DCDC2C: variants seen among roughly 807,000 people sequenced by gnomAD.
DCDC2C encodes doublecortin domain containing 2C.
In DCDC2C, 44 loss-of-function variants were observed where a neutral mutation model predicts 45.0. The ratio of observed to expected loss-of-function variants is 0.98; its 90% CI spans 0.77 to 1.26. The LOEUF (loss-of-function observed/expected upper bound fraction) is 1.26. DCDC2C is among the 50% of genes most tolerant of loss of function. DCDC2C has a pLI of 0.00. For synonymous variants in DCDC2C, 187 were observed against 178.8 expected (o/e 1.05, Z -0.37); for missense variants, 447 against 468.9 (o/e 0.95, Z 0.43).
chr2:3,799,695 G>A (rs1307121450), intron 10 of DCDC2C, among the ~76,000 whole-genome samples: 5 of 152,390 alleles, frequency 3.3e-5, no homozygotes, highest in Admixed American at 6.5e-5. Context: ...TCAGGGGTCA[G>A]GGACCCACTT....
At chr2:3,846,613 T>C (rs537349045) in intron 10 of DCDC2C, among the ~76,000 whole-genome samples, 25 of 152,334 alleles carry the variant, frequency 1.6e-4, no homozygotes, top group African/African-American at 5.3e-4. Flanking sequence ...GGATACATAA[T>C]TTAAAAAATT....
At chr2:3,788,076 C>G (rs1054790012) in intron 10 of DCDC2C, among the ~76,000 whole-genome samples, 4 of 152,186 alleles carry the variant, frequency 2.6e-5, no homozygotes, top group African/African-American at 9.7e-5. Flanking sequence ...ATGTCATCTG[C>G]TCTGAATATT....
At chr2:3,788,408 A>G (rs1278247117) in intron 10 of DCDC2C, 3 of 152,122 alleles carry the variant, frequency 2.0e-5, no homozygotes, top group African/African-American at 7.2e-5. Flanking sequence ...TGCACCATAG[A>G]TTATAATATG....
intron 10 of DCDC2C, among the ~76,000 whole-genome samples, chr2:3,821,755 G>A (rs953286872): frequency 6.6e-6 from 1 of 152,228 alleles, no homozygotes; most frequent in Non-Finnish European, 1.5e-5. Context: ...TGAATCAGCT[G>A]TTTATCCAAG....
chr2:3,765,314 G>A (rs997136962), intron 6 of DCDC2C, among the ~76,000 whole-genome samples: 2 of 152,194 alleles, frequency 1.3e-5, no homozygotes, highest in Non-Finnish European at 2.9e-5. Flanking sequence ...CTGACTCTTT[G>A]TTTAGCACGG....
intron 10 of DCDC2C, among the ~76,000 whole-genome samples, chr2:3,823,354 C>T (rs192822909): frequency 7.5e-4 from 114 of 152,090 alleles, no homozygotes; most frequent in African/African-American, 2.7e-3. Flanking sequence ...AATTTCAAGC[C>T]TTTTACCTTT....
chr2:3,840,827 C>T (rs141012988), intron 10 of DCDC2C, among the ~76,000 whole-genome samples: 141 of 152,312 alleles, frequency 9.3e-4, no homozygotes, highest in African/African-American at 3.2e-3. Context: ...CTGCGAGTTT[C>T]GCAGTGAAAG....
chr2:3,789,450 G>A (rs993899017), intron 10 of DCDC2C, among the ~76,000 whole-genome samples: 6 of 152,044 alleles, frequency 3.9e-5, no homozygotes, highest in African/African-American at 1.4e-4. Flanking sequence ...CTAATGCCAT[G>A]CCTCTAATTG....
At chr2:3,847,129 T>G (rs1672353828) in intron 10 of DCDC2C, 25 bp from the exon 11 acceptor site, 1 of 1,231,162 alleles carries the variant, frequency 8.1e-7, no homozygotes, top group Non-Finnish European at 1.0e-6. Flanking sequence ...TGTTCTCTGT[T>G]AACCTGCTTT....
At chr2:3,823,693 C>CT (rs1671747468) in intron 10 of DCDC2C, among the ~76,000 whole-genome samples, 1 of 151,668 alleles carries the variant, frequency 6.6e-6, no homozygotes, top group Non-Finnish European at 1.5e-5. Flanking sequence ...AGTTTTTTTT[C>CT]TTTTATATCT....
At chr2:3,827,307 A>AG (rs1472522309) in intron 10 of DCDC2C, among the ~76,000 whole-genome samples, 1 of 144,632 alleles carries the variant, frequency 6.9e-6, no homozygotes, top group East Asian at 2.2e-4. Context: ...GGGAGGCAGC[A>AG]GGGGCAGGGA....
At chr2:3,730,408 A>G (rs357946) in intron 3 of DCDC2C, among the ~76,000 whole-genome samples, 127,769 of 152,186 alleles carry the variant, frequency 0.84, 53,817 homozygotes, top group South Asian at 0.93. Context: ...TGTGTTAGCT[A>G]TTGTGTCGGA....
intron 2 of DCDC2C, among the ~76,000 whole-genome samples, chr2:3,717,825 C>A (rs892432714): frequency 6.6e-6 from 1 of 152,188 alleles, no homozygotes; most frequent in Non-Finnish European, 1.5e-5. Context: ...CCTCTTCATG[C>A]GCCTATCCTC....
At chr2:3,795,794 G>T (rs1350324244) in intron 10 of DCDC2C, among the ~76,000 whole-genome samples, 36 of 134,842 alleles carry the variant, frequency 2.7e-4, no homozygotes, top group African/African-American at 9.1e-4. Flanking sequence ...TTTGAAGTCA[G>T]GTAGCGTGAT....
intron 8 of DCDC2C, among the ~76,000 whole-genome samples, chr2:3,769,705 T>C (rs1670113763): frequency 6.6e-6 from 1 of 152,242 alleles, no homozygotes; most frequent in African/African-American, 2.4e-5. Context: ...ACTAAGCTAC[T>C]GACTCCATAA....
At chr2:3,820,143 G>A (rs1179349799) in intron 10 of DCDC2C, among the ~76,000 whole-genome samples, 4 of 152,166 alleles carry the variant, frequency 2.6e-5, no homozygotes, top group Non-Finnish European at 5.9e-5. Context: ...CTGGACGTCA[G>A]GCACCTCAGA....
At chr2:3,704,975 T>G (rs1449498828) in intron 1 of DCDC2C, among the ~76,000 whole-genome samples, 1 of 152,210 alleles carries the variant, frequency 6.6e-6, no homozygotes, top group Non-Finnish European at 1.5e-5. Flanking sequence ...GTAGGTTTAC[T>G]TATTTTTTGA....
chr2:3,819,353 G>A (rs12329183), intron 10 of DCDC2C, among the ~76,000 whole-genome samples: 28,217 of 152,250 alleles, frequency 0.19, 3,010 homozygotes, highest in South Asian at 0.35. Context: ...CCAGATATCC[G>A]GCACTTGAAG....
chr2:3,796,808 A>G (rs1670967860), intron 10 of DCDC2C, among the ~76,000 whole-genome samples: 1 of 150,480 alleles, frequency 6.6e-6, no homozygotes, highest in Non-Finnish European at 1.5e-5. Flanking sequence ...AATGTTCATC[A>G]AGGATATTGG....
Sources: gnomAD v4.1 joint callset for allele counts (sites outside exome capture counted in the v4.1 genomes callset) on GRCh38, gnomAD v4.1.1 for gene constraint, MANE v1.5 for transcripts, NCBI Gene and HGNC (gene_info 2026-07-23, HGNC 2026-07-21) for gene names.